Variants in DGKG observed in about 807,000 individuals in gnomAD.
The protein encoded by DGKG is diacylglycerol kinase gamma.
DGKG carries 78 observed loss-of-function variants against 105.3 expected under a neutral mutation model. The observed-to-expected ratio is 0.74, with a 90% CI of 0.62 to 0.89. The LOEUF (loss-of-function observed/expected upper bound fraction) is 0.89, where lower values mean the gene tolerates loss of function less well. DGKG is among the 40% of genes least tolerant of loss of function. The pLI is 0.00. For synonymous variants in DGKG, 346 were observed against 367.1 expected (o/e 0.94, Z 0.66); for missense variants, 958 against 1,020.1 (o/e 0.94, Z 0.83).
intron 22 of DGKG, among the ~76,000 whole-genome samples, chr3:186,167,137 G>T (rs1716584842): frequency 6.6e-6 from 1 of 152,168 alleles, no homozygotes; most frequent in Non-Finnish European, 1.5e-5. Context: ...GTGGGTGGGT[G>T]GGGGCAGGGG....
intron 24 of DGKG, 92 bp downstream of exon 24, chr3:186,161,511 T>C: frequency 1.3e-6 from 2 of 1,598,202 alleles, no homozygotes; most frequent in East Asian, 4.5e-5. Context: ...TCCCTGTGAC[T>C]CTGAGATTCA....
intron 13 of DGKG, among the ~76,000 whole-genome samples, chr3:186,266,018 A>T (rs1010180032): frequency 2.6e-5 from 4 of 151,828 alleles, no homozygotes; most frequent in Non-Finnish European, 4.4e-5. Context: ...TGATATTGTC[A>T]TTTTTCTTGG....
chr3:186,359,437 T>A (rs11929459), intron 1 of DGKG, among the ~76,000 whole-genome samples: 2,027 of 152,218 alleles, frequency 0.013, 46 homozygotes, highest in African/African-American at 0.046. Flanking sequence ...GCTACAACAC[T>A]AATTCAGAAA....
At chr3:186,309,291 C>T (rs112488350) in intron 2 of DGKG, among the ~76,000 whole-genome samples, 83 of 152,112 alleles carry the variant, frequency 5.5e-4, no homozygotes, top group African/African-American at 1.8e-3. Context: ...AAGGGAGCAA[C>T]GGTGCAGAGA....
intron 22 of DGKG, among the ~76,000 whole-genome samples, chr3:186,183,748 A>G (rs572660277): frequency 3.0e-4 from 45 of 148,734 alleles, no homozygotes; most frequent in Non-Finnish European, 5.9e-4. Flanking sequence ...CTTGTTGCCC[A>G]GGCTGGAGTG....
chr3:186,268,090 C>T (rs1578751866), intron 12 of DGKG, among the ~76,000 whole-genome samples: 1 of 152,306 alleles, frequency 6.6e-6, no homozygotes, highest in Middle Eastern at 3.4e-3. Context: ...TAGATATGTG[C>T]TCTCCAGGCC....
At chr3:186,172,154 GC>G (rs1426523757) in intron 22 of DGKG, among the ~76,000 whole-genome samples, 3 of 152,170 alleles carry the variant, frequency 2.0e-5, no homozygotes, top group African/African-American at 4.8e-5. Flanking sequence ...GTGCCCGCTT[GC>G]TTTTTTGCAT....
intron 14 of DGKG, among the ~76,000 whole-genome samples, chr3:186,264,968 T>G (rs1357471783): frequency 6.6e-6 from 1 of 152,252 alleles, no homozygotes; most frequent in Non-Finnish European, 1.5e-5. Context: ...TTAGGACATC[T>G]GCATATTAAA....
intron 24 of DGKG, chr3:186,158,773 A>G (rs1716150909): frequency 2.1e-6 from 2 of 936,216 alleles, no homozygotes; most frequent in African/African-American, 3.6e-5. Context: ...ATGTATTGAT[A>G]GTTTTTTATA....
At chr3:186,262,858 A>G (rs1391617517) in intron 14 of DGKG, among the ~76,000 whole-genome samples, 2 of 152,058 alleles carry the variant, frequency 1.3e-5, no homozygotes, top group Non-Finnish European at 2.9e-5. Flanking sequence ...GCTGGGCATG[A>G]TCACTCACGC....
intron 1 of DGKG, among the ~76,000 whole-genome samples, chr3:186,329,873 G>A (rs972767658): frequency 2.6e-5 from 4 of 152,174 alleles, no homozygotes; most frequent in African/African-American, 9.7e-5. Flanking sequence ...TTACTGCAGT[G>A]CATGTACTTA....
intron 22 of DGKG, among the ~76,000 whole-genome samples, chr3:186,171,969 C>T (rs150926255): frequency 6.6e-6 from 1 of 152,190 alleles, no homozygotes; most frequent in East Asian, 1.9e-4. Context: ...GATTCTCCCA[C>T]CTCAGCCTCC....
At chr3:186,217,166 G>A (rs775380358) in intron 20 of DGKG, among the ~76,000 whole-genome samples, 10 of 152,178 alleles carry the variant, frequency 6.6e-5, no homozygotes, top group South Asian at 2.1e-4. Context: ...GGAGTCTATC[G>A]TAGGTGGCCC....
intron 24 of DGKG, among the ~76,000 whole-genome samples, chr3:186,153,431 C>T (rs1007250615): frequency 6.6e-6 from 1 of 152,140 alleles, no homozygotes; most frequent in Non-Finnish European, 1.5e-5. Context: ...CTAAAGTCTC[C>T]ATGATTTTCT....
chr3:186,285,917 G>T (rs1468418449), intron 6 of DGKG, among the ~76,000 whole-genome samples: 1 of 152,092 alleles, frequency 6.6e-6, no homozygotes, highest in African/African-American at 2.4e-5. Flanking sequence ...GACCTCAGAT[G>T]ATCCGCCTGC....
At chr3:186,170,536 A>G (rs1716770108) in intron 22 of DGKG, among the ~76,000 whole-genome samples, 2 of 152,198 alleles carry the variant, frequency 1.3e-5, no homozygotes, top group African/African-American at 4.8e-5. Context: ...CCCAAAATAT[A>G]TACAGAAGTT....
intron 20 of DGKG, among the ~76,000 whole-genome samples, chr3:186,236,884 G>A (rs906898929): frequency 4.6e-5 from 7 of 152,208 alleles, no homozygotes; most frequent in Admixed American, 2.6e-4. Context: ...AACACATTCC[G>A]CAAGTACTCT....
chr3:186,274,302 C>G (rs1285469139), intron 10 of DGKG, among the ~76,000 whole-genome samples: 2 of 152,230 alleles, frequency 1.3e-5, no homozygotes, highest in Non-Finnish European at 2.9e-5. Flanking sequence ...ATCCTCCCAC[C>G]TCAGCCTCCT....
At chr3:186,165,958 C>T (rs1319140129) in intron 22 of DGKG, among the ~76,000 whole-genome samples, 3 of 152,232 alleles carry the variant, frequency 2.0e-5, no homozygotes, top group African/African-American at 7.2e-5. Context: ...TGGCTAATCA[C>T]TAACATCCTC....
Sources: gnomAD v4.1 joint callset for allele counts (sites outside exome capture counted in the v4.1 genomes callset) on GRCh38, gnomAD v4.1.1 for gene constraint, MANE v1.5 for transcripts, NCBI Gene and HGNC (gene_info 2026-07-23, HGNC 2026-07-21) for gene names.